MRPS27: variants seen among roughly 807,000 people sequenced by gnomAD.
MRPS27 encodes the protein small ribosomal subunit protein mS27.
MRPS27 carries 43 observed loss-of-function variants against 48.9 expected under a neutral mutation model. The ratio of observed to expected loss-of-function variants is 0.88; its 90% CI spans 0.69 to 1.13. MRPS27 has a LOEUF of 1.13. Among genes scored for constraint, MRPS27 ranks in the 50% most tolerant of loss-of-function variants. The probability of loss-of-function intolerance (pLI) is 0.00; values close to 1 mark genes in which losing one functional copy is unlikely to be tolerated. For missense variants in MRPS27, 467 were observed against 476.3 expected, an observed-to-expected ratio of 0.98 and a Z score of 0.18; for synonymous variants, 188 against 171.9, an observed-to-expected ratio of 1.09 and a Z score of -0.73.
At chr5:72,224,245 G>T (rs965061671) in intron 9 of MRPS27, among the ~76,000 whole-genome samples, 6 of 151,714 alleles carry the variant, frequency 4.0e-5, no homozygotes, top group Admixed American at 2.6e-4. Flanking sequence ...TGTGGTCTCA[G>T]CTACTAAGGA....
intron 3 of MRPS27, 41 bp from the exon 4 acceptor site, chr5:72,295,630 A>G: frequency 6.6e-7 from 1 of 1,505,402 alleles, no homozygotes; most frequent in Non-Finnish European, 9.2e-7. Flanking sequence ...AATATAAATT[A>G]TGTCATATAT....
At chr5:72,275,375 A>G (rs545211906) in intron 4 of MRPS27, among the ~76,000 whole-genome samples, 248 of 152,362 alleles carry the variant, frequency 1.6e-3, no homozygotes, top group Non-Finnish European at 2.5e-3. Flanking sequence ...CAAGGAAGTA[A>G]GAGAGGACAC....
intron 4 of MRPS27, among the ~76,000 whole-genome samples, chr5:72,284,500 AG>A (rs971946262): frequency 6.6e-6 from 1 of 151,980 alleles, no homozygotes; most frequent in East Asian, 1.9e-4. Flanking sequence ...GAAAAAGAGA[AG>A]GGGGGAGGGA....
intron 4 of MRPS27, among the ~76,000 whole-genome samples, chr5:72,291,855 A>T (rs1749828221): frequency 6.6e-6 from 1 of 152,198 alleles, no homozygotes; most frequent in African/African-American, 2.4e-5. Context: ...CACGCCCTAG[A>T]GGGCCTATAA....
intron 7 of MRPS27, among the ~76,000 whole-genome samples, chr5:72,230,985 G>A (rs1007862938): frequency 6.6e-6 from 1 of 151,960 alleles, no homozygotes; most frequent in East Asian, 1.9e-4. Context: ...GTAGTCTCTC[G>A]GATGGTCTGA....
Position 72,225,035 on chromosome 5 carries a change from T to C in MRPS27, c.837+1022A>G, listed in dbSNP as rs1436306069. 1.3e-5 allele frequency among the ~76,000 whole-genome samples: 2 copies of C among 152,232 alleles called. 1 individual carries two copies. Among genetic ancestry groups the C allele is most frequent in the Admixed American group, 1.3e-4 (2 of 15,290 alleles). On this transcript the variant is annotated intron_variant, in intron 9 of 10. Transcript: ENST00000261413. The stretch of plus-strand genomic sequence containing the variant: ...GCTGACATGTGAACTCATTTTCTAC[T>C]GTTAGAATGCAAAGAATGCAAATCT...
At chr5:72,281,132 C>A (rs1268319539) in intron 4 of MRPS27, among the ~76,000 whole-genome samples, 1 of 152,188 alleles carries the variant, frequency 6.6e-6, no homozygotes, top group African/African-American at 2.4e-5. Context: ...AATACATTTT[C>A]CCATAAGAGA....
At position 72,293,998 on chromosome 5, in the gene MRPS27, T is replaced by C. The variant is rs146782520; in HGVS notation, c.281+1533A>G. On this transcript the variant is annotated intron_variant, in intron 4 of 10. Coordinates refer to ENST00000261413, the MANE Select transcript of MRPS27 (RefSeq NM_015084.3). ...AGGGGTTCGTTTATCTTTATCCTAA[T>C]GAAGTACAAGAGGGCACTCACAACT... is the stretch of plus-strand genomic sequence containing the variant. Among the ~76,000 whole-genome samples, 153 of 152,248 alleles carry C rather than the reference T, an allele frequency of 1.0e-3. No homozygotes were observed. The East Asian group carries it at 0.027, about 27-fold the overall frequency.
intron 3 of MRPS27, 137 bp from the exon 4 acceptor site, chr5:72,295,726 A>G (rs1749960613): frequency 1.5e-5 from 10 of 658,712 alleles, no homozygotes; most frequent in Middle Eastern, 5.2e-4. Flanking sequence ...TAGTGGAACA[A>G]TGTTCACGTG....
chr5:72,272,761 A>T (rs974443268), intron 4 of MRPS27, among the ~76,000 whole-genome samples: 1 of 152,178 alleles, frequency 6.6e-6, no homozygotes, highest in Non-Finnish European at 1.5e-5. Flanking sequence ...GAATGGGTGA[A>T]GAAAAAAGAT....
At chr5:72,261,769 C>G (rs1748984528) in intron 4 of MRPS27, among the ~76,000 whole-genome samples, 1 of 152,212 alleles carries the variant, frequency 6.6e-6, no homozygotes, top group Non-Finnish European at 1.5e-5. Flanking sequence ...TCCATAACTT[C>G]TTTCCTGTCA....
At chr5:72,272,138 T>C (rs1749264029) in intron 4 of MRPS27, among the ~76,000 whole-genome samples, 2 of 152,224 alleles carry the variant, frequency 1.3e-5, no homozygotes, top group Admixed American at 1.3e-4. Flanking sequence ...GATCAAGGGT[T>C]GGCAAACTAA....
At position 72,278,214 on chromosome 5, in the gene MRPS27, G is replaced by A. The variant is rs1407096648; in HGVS notation, c.281+17317C>T. Among the ~76,000 whole-genome samples, 10 of 151,970 alleles carry A rather than the reference G, an allele frequency of 6.6e-5. No individual in the cohort carries two copies. In the East Asian group the frequency reaches 7.7e-4, roughly 12 times the overall value. Reference sequence around the variant, plus strand: ...TCCCAGCACTTTGGGAGGCCGAGGCGGGCGGATCACGAGGTCAGGAGATTG... The same window carrying A: ...TCCCAGCACTTTGGGAGGCCGAGGCAGGCGGATCACGAGGTCAGGAGATTG... On this transcript the variant is annotated intron_variant, in intron 4 of 10. Transcript: ENST00000261413.
chr5:72,292,300 T>C (rs1334121694), intron 4 of MRPS27, among the ~76,000 whole-genome samples: 1 of 151,644 alleles, frequency 6.6e-6, no homozygotes, highest in East Asian at 1.9e-4. Flanking sequence ...GCTTCACCCT[T>C]TCCTTGGTGT....
At chr5:72,295,986 C>T (rs1749969253) in intron 3 of MRPS27, among the ~76,000 whole-genome samples, 1 of 152,110 alleles carries the variant, frequency 6.6e-6, no homozygotes, top group Non-Finnish European at 1.5e-5. Flanking sequence ...AATGAAGACT[C>T]TGATGGCTAA....
intron 8 of MRPS27, 181 bp from the exon 9 acceptor site, chr5:72,226,380 T>G (rs1456300936): frequency 3.0e-6 from 2 of 657,042 alleles, no homozygotes; most frequent in Admixed American, 5.8e-5. Flanking sequence ...TAATGACGAA[T>G]GTGGTAAAAT....
chr5:72,232,674 T>G (rs1748095637), intron 6 of MRPS27, 116 bp from the exon 7 acceptor site: 1 of 704,774 alleles, frequency 1.4e-6, no homozygotes, highest in Non-Finnish European at 2.3e-6. Flanking sequence ...AAATGCAGAA[T>G]TAAGAAGTAA....
chr5:72,303,860 G>A (rs1750185118), intron 2 of MRPS27, among the ~76,000 whole-genome samples: 1 of 132,418 alleles, frequency 7.6e-6, no homozygotes, highest in Non-Finnish European at 1.5e-5. Flanking sequence ...GCCAGTGTGG[G>A]CAACACAGCA....
Position 72,314,137 on chromosome 5 carries a change from G to A in MRPS27, c.95C>T (p.Ser32Leu), listed in dbSNP as rs748440719. 2 of 1,612,888 alleles carry A rather than the reference G, an allele frequency of 1.2e-6. No homozygotes were observed. Among genetic ancestry groups the A allele is most frequent in the South Asian group, 2.2e-5 (2 of 90,940 alleles). ...SPAGKRYLLSSAYVDSHKWEA... is the reference protein window; with the variant it reads ...SPAGKRYLLSLAYVDSHKWEA... ...CCATTTGTGGCTGTCTACATAGGCT[G>A]AAGAAAGCAGGTATCTTTTACCTGA... Residue 32 changes from serine to leucine, a missense_variant, in exon 2 of 11, where the codon TCA (serine) becomes TTA (leucine). Physicochemically the swap from Ser to Leu is moderately radical, Grantham distance 145. Transcript: ENST00000261413.
Sources: gnomAD v4.1 joint callset for allele counts (sites outside exome capture counted in the v4.1 genomes callset) on GRCh38, gnomAD v4.1.1 for gene constraint, MANE v1.5 for transcripts, NCBI Gene and HGNC (gene_info 2026-07-23, HGNC 2026-07-21) for gene names.